ZNF75A: variants seen among roughly 807,000 people sequenced by gnomAD.
ZNF75A encodes the protein zinc finger protein 75A.
In ZNF75A, 36 loss-of-function variants were observed where a neutral mutation model predicts 46.3. That is an observed-to-expected ratio of 0.78 (90% confidence interval 0.60 to 1.03). The LOEUF (loss-of-function observed/expected upper bound fraction) is 1.03, where lower values mean the gene tolerates loss of function less well. Among genes scored for constraint, ZNF75A ranks in the 50% least tolerant of loss-of-function variants. The pLI is 0.00. For synonymous variants in ZNF75A, 234 were observed against 189.9 expected (o/e 1.23, Z -1.91); for missense variants, 595 against 551.3 (o/e 1.08, Z -0.79).
intron 1 of ZNF75A, chr16:3,306,553 A>C (rs1205459574): frequency 1.3e-5 from 2 of 152,046 alleles, no homozygotes; most frequent in Non-Finnish European, 2.9e-5. Context: ...CTCTACTAAA[A>C]ACACAAAAAT....
chr16:3,310,246 T>C (rs1345972591), intron 2 of ZNF75A, among the ~76,000 whole-genome samples: 1 of 151,850 alleles, frequency 6.6e-6, no homozygotes, highest in East Asian at 1.9e-4. Context: ...ATACATAAAC[T>C]AGCTGAGCAT....
chr16:3,311,823 T>G lies in ZNF75A; in HGVS notation c.479T>G (p.Leu160Arg). 1 of 1,048,490 alleles carries G rather than the reference T, an allele frequency of 9.5e-7. No individual in the cohort carries two copies. Among genetic ancestry groups the G allele is most frequent in the South Asian group, 3.5e-5 (1 of 28,782 alleles). The allele number at this position is 1,048,490 out of a possible 1,614,324, so 64.9% of individuals were successfully genotyped here. The change falls in exon 3 of 7, where the codon CTG becomes CGG. Residue 160 changes from leucine to arginine, a missense_variant. By Grantham distance (102) the Leu-to-Arg change is moderately radical (BLOSUM62 -2). Coordinates refer to ENST00000669516, the MANE Select transcript of ZNF75A (RefSeq NM_001302109.2). ...ACAGCAGAGGCCTCAAGTTTCGGGCTGAAGCCAACAGAGTCCCAACCAGTG... is the reference window on the plus strand; with the variant it reads ...ACAGCAGAGGCCTCAAGTTTCGGGCGGAAGCCAACAGAGTCCCAACCAGTG... ...GETAEASSFG[L>R]KPTESQPVGV...
intron 3 of ZNF75A, 53 bp from the exon 4 acceptor site, chr16:3,312,624 C>G (rs1960896228): frequency 1.2e-6 from 1 of 835,438 alleles, no homozygotes; most frequent in South Asian, 5.2e-5. Flanking sequence ...TAGAAATGAG[C>G]TCAGGATGTT....
At chr16:3,310,995 G>A (rs1198007964) in intron 2 of ZNF75A, 6 of 970,698 alleles carry the variant, frequency 6.2e-6, no homozygotes, top group Non-Finnish European at 7.3e-6. Flanking sequence ...CCCATTCTCT[G>A]AAAACCTTCG....
chr16:3,322,290 C>G (rs2029972963), downstream of ZNF75A, among the ~76,000 whole-genome samples: 3 of 152,150 alleles, frequency 2.0e-5, no homozygotes, highest in Admixed American at 6.5e-5. Flanking sequence ...GTCACTTTTT[C>G]TTGTGTGGGT....
At position 3,315,243 on chromosome 16, in the gene ZNF75A, G is replaced by A. The variant is rs546355715; in HGVS notation, c.824-1669G>A. The stretch of plus-strand genomic sequence containing the variant: ...GCCTCGCTCTGTCGCCCAGGCTGGA[G>A]TGCAGTGGTGCGATCTCAGCTCAGT... On this transcript the variant is annotated intron_variant, in intron 5 of 6. Transcript: ENST00000669516. The A allele has an allele frequency of 6.4e-4, 161 of 250,402 alleles. 1 individual carries two copies. Among genetic ancestry groups the A allele is most frequent in the African/African-American group, 3.6e-3 (151 of 42,082 alleles). The allele number at this position is 250,402 out of a possible 1,614,324, so 15.5% of individuals were successfully genotyped here.
chr16:3,320,664 C>T (rs1401877978), downstream of ZNF75A, among the ~76,000 whole-genome samples: 3 of 152,180 alleles, frequency 2.0e-5, no homozygotes, highest in Non-Finnish European at 2.9e-5. Flanking sequence ...CGCGTTGCCT[C>T]ATGCACAAAA....
At position 3,308,489 on chromosome 16, in the gene ZNF75A, G is replaced by C; in HGVS notation, c.61G>C (p.Glu21Gln). ...GGACCCTCAGATCAGGGCTTTGTGG[G>C]AGACCAAGGGGCCTGCAAGAGAGAG... The part of the protein sequence containing the change: ...YLDPQIRALW[E>Q]TKGPARESSG... Residue 21 changes from glutamate (E) to glutamine (Q), a missense_variant, in exon 2 of 7, where the codon GAG becomes CAG. By Grantham distance (29) the Glu-to-Gln change is conservative. Transcript: ENST00000669516. 1.0e-6 allele frequency: 1 copy of C among 985,834 alleles called. No individual in the cohort carries two copies. The highest frequency in any genetic ancestry group is 1.2e-6 in the Non-Finnish European group (1 of 829,944). 61.1% of individuals were successfully genotyped at this position (985,834 alleles called of 1,614,324 possible). A position where few individuals can be genotyped will look rare whatever the true frequency, so the allele number is the denominator to read the frequency against.
intron 5 of ZNF75A, among the ~76,000 whole-genome samples, chr16:3,313,448 C>T (rs1212314100): frequency 6.6e-6 from 1 of 152,196 alleles, no homozygotes; most frequent in Non-Finnish European, 1.5e-5. Context: ...GTAAGGGGCA[C>T]ATTCATTATC....
In ZNF75A at chr16:3,308,314, G is replaced by T; in HGVS notation, c.-115G>T. On this transcript the variant is annotated splice_region_variant and 5_prime_UTR_variant, in exon 2 of 7. Coordinates refer to ENST00000669516, the MANE Select transcript of ZNF75A (RefSeq NM_001302109.2). ...TACTTTTCTTTTTCTTGTCCTCAGTGCTTTTAGGAAGAAGATCCTTTTATT... is the reference window on the plus strand; with the variant it reads ...TACTTTTCTTTTTCTTGTCCTCAGTTCTTTTAGGAAGAAGATCCTTTTATT... 1 of 728,546 alleles carries T rather than the reference G, an allele frequency of 1.4e-6. No homozygotes were observed. The highest frequency in any genetic ancestry group is 1.7e-6 in the Non-Finnish European group (1 of 595,142). The allele number at this position is 728,546 out of a possible 1,614,324, so 45.1% of individuals were successfully genotyped here.
downstream of ZNF75A, among the ~76,000 whole-genome samples, chr16:3,322,690 C>G (rs2029988881): frequency 1.3e-5 from 2 of 152,066 alleles, no homozygotes; most frequent in East Asian, 1.9e-4. Context: ...TATGATGCAC[C>G]TTTTAGGAGA....
chr16:3,323,314 A>G, downstream of ZNF75A: 4 of 1,063,726 alleles, frequency 3.8e-6, no homozygotes, highest in South Asian at 4.9e-5. Flanking sequence ...GGGCAAAAGA[A>G]CCATGAGATC....
chr16:3,311,055 T>A, intron 2 of ZNF75A: 3 of 646,072 alleles, frequency 4.6e-6, no homozygotes, highest in Non-Finnish European at 5.8e-6. Flanking sequence ...AATTCATTTA[T>A]TTGAATTTTA....
rs1428334009 is a variant in ZNF75A at position 3,317,413 on chromosome 16, C to G, written c.1158C>G (p.Leu386=). The change falls in exon 7 of 7, where the codon CTC becomes CTG. Residue 386 remains leucine (L), a synonymous_variant. Coordinates refer to ENST00000669516, the MANE Select transcript of ZNF75A (RefSeq NM_001302109.2). ...KKLSTWKQEL[L]KLMDRHKKDC... is the part of the protein sequence containing the mutation. ...TTTCAACCTGGAAACAAGAGCTGCTCAAACTTATGGATCGTCACAAGAAAG... is the reference window on the plus strand; with the variant it reads ...TTTCAACCTGGAAACAAGAGCTGCTGAAACTTATGGATCGTCACAAGAAAG... 1 of 1,614,104 alleles carries G rather than the reference C, an allele frequency of 6.2e-7. No individual in the cohort carries two copies. Among genetic ancestry groups the G allele is most frequent in the Non-Finnish European group, 8.5e-7 (1 of 1,180,014 alleles).
chr16:3,311,296 G>C (rs1960767998), intron 2 of ZNF75A, among the ~76,000 whole-genome samples: 1 of 152,084 alleles, frequency 6.6e-6, no homozygotes, highest in African/African-American at 2.4e-5. Flanking sequence ...AAATTAGCCA[G>C]GCGTGGTGGT....
At chr16:3,313,467 C>T (rs1960962467) in intron 5 of ZNF75A, among the ~76,000 whole-genome samples, 1 of 152,198 alleles carries the variant, frequency 6.6e-6, no homozygotes, top group South Asian at 2.1e-4. Context: ...TCCAGTGGCT[C>T]AAGGCATACA....
intron 2 of ZNF75A, chr16:3,310,888 C>A: frequency 2.0e-5 from 20 of 985,368 alleles, no homozygotes; most frequent in Non-Finnish European, 2.4e-5. Flanking sequence ...CTGCTGACCT[C>A]GGGTCTGCTG....
chr16:3,315,087 T>A, intron 5 of ZNF75A: 2 of 985,116 alleles, frequency 2.0e-6, no homozygotes, highest in Non-Finnish European at 2.4e-6. Flanking sequence ...TCTTGATCCC[T>A]TCCCTTTCCC....
At chr16:3,310,787 G>T (rs1960711337) in intron 2 of ZNF75A, 1 of 985,456 alleles carries the variant, frequency 1.0e-6, no homozygotes, top group Non-Finnish European at 1.2e-6. Context: ...TATAGTAGAT[G>T]AAAGTCTCTA....
Sources: gnomAD v4.1 joint callset for allele counts (sites outside exome capture counted in the v4.1 genomes callset) on GRCh38, gnomAD v4.1.1 for gene constraint, MANE v1.5 for transcripts, NCBI Gene and HGNC (gene_info 2026-07-23, HGNC 2026-07-21) for gene names.